ITGBL1: variants seen among roughly 807,000 people sequenced by gnomAD.
ITGBL1 encodes integrin subunit beta like 1.
Under a neutral mutation model 68.5 loss-of-function variants are expected in ITGBL1, and 51 were observed. That is an observed-to-expected ratio of 0.74 (90% CI 0.59 to 0.94). ITGBL1 has a LOEUF of 0.94. Ranked by LOEUF, ITGBL1 falls within the 40% of genes least tolerant of loss-of-function variation. The pLI, the probability that ITGBL1 is intolerant of heterozygous loss-of-function variation, is 0.00. For missense variants in ITGBL1, 649 were observed against 647.4 expected, an observed-to-expected ratio of 1.00 and a Z score of -0.03; for synonymous variants, 209 against 227.3, an observed-to-expected ratio of 0.92 and a Z score of 0.72.
chr13:101,647,732 G>C (rs1015511009), intron 7 of ITGBL1, among the ~76,000 whole-genome samples: 16 of 152,278 alleles, frequency 1.1e-4, no homozygotes, highest in African/African-American at 3.4e-4. Flanking sequence ...AGAAGGTTGA[G>C]ACTTTTAAAG....
At chr13:101,604,887 T>TACATACAC (rs1555361672) in intron 7 of ITGBL1, among the ~76,000 whole-genome samples, 25 of 22,162 alleles carry the variant, frequency 1.1e-3, no homozygotes, top group African/African-American at 3.8e-3. Context: ...TATATATATA[T>TACATACAC]ACACACACAC....
intron 3 of ITGBL1, among the ~76,000 whole-genome samples, chr13:101,573,927 A>C (rs114401748): frequency 1.0e-3 from 153 of 152,180 alleles, no homozygotes; most frequent in African/African-American, 3.5e-3. Context: ...CCCCAGATGT[A>C]TTTGTTCCAT....
intron 2 of ITGBL1, among the ~76,000 whole-genome samples, chr13:101,550,989 A>G (rs1460671648): frequency 2.0e-5 from 3 of 152,214 alleles, no homozygotes; most frequent in African/African-American, 7.2e-5. Context: ...TTCAGAATAC[A>G]TGTTCCAGTC....
intron 7 of ITGBL1, among the ~76,000 whole-genome samples, chr13:101,606,955 T>G (rs2030895944): frequency 6.6e-6 from 1 of 152,046 alleles, no homozygotes; most frequent in Admixed American, 6.6e-5. Flanking sequence ...TTACATAATT[T>G]ATATTTTGTA....
At chr13:101,628,147 C>T (rs1164482553) in intron 7 of ITGBL1, among the ~76,000 whole-genome samples, 2 of 152,124 alleles carry the variant, frequency 1.3e-5, no homozygotes, top group Admixed American at 1.3e-4. Context: ...TTCTAACAAG[C>T]GTATAGTGGT....
downstream of ITGBL1, chr13:101,720,066 A>T (rs922808209): frequency 2.0e-5 from 3 of 152,154 alleles, no homozygotes; most frequent in African/African-American, 7.2e-5. Context: ...CCTTCATATA[A>T]ATATTTTATT....
At chr13:101,605,301 T>TAGAC (rs1425537389) in intron 7 of ITGBL1, among the ~76,000 whole-genome samples, 28 of 127,030 alleles carry the variant, frequency 2.2e-4, no homozygotes, top group Middle Eastern at 4.3e-3. Context: ...TATACACATA[T>TAGAC]ATAGGCATGT....
chr13:101,491,391 C>A (rs577413278), intron 2 of ITGBL1, among the ~76,000 whole-genome samples: 43 of 152,294 alleles, frequency 2.8e-4, no homozygotes, highest in African/African-American at 1.0e-3. Context: ...TCATTATGAG[C>A]AACTTCATCT....
chr13:101,487,824 G>T (rs1358387214), intron 2 of ITGBL1, among the ~76,000 whole-genome samples: 1 of 152,168 alleles, frequency 6.6e-6, no homozygotes, highest in Non-Finnish European at 1.5e-5. Flanking sequence ...TTAGCTTGTA[G>T]GTTTTATTTC....
intron 9 of ITGBL1, among the ~76,000 whole-genome samples, chr13:101,709,387 A>G (rs2034353617): frequency 6.7e-6 from 1 of 149,342 alleles, no homozygotes; most frequent in African/African-American, 2.5e-5. Context: ...AAAAAAAAAA[A>G]AAAAAAAAAA....
At chr13:101,513,503 T>C (rs1020097222) in intron 2 of ITGBL1, among the ~76,000 whole-genome samples, 6 of 152,164 alleles carry the variant, frequency 3.9e-5, no homozygotes, top group African/African-American at 1.4e-4. Flanking sequence ...TTGATCATGA[T>C]GATCATTGGA....
intron 7 of ITGBL1, among the ~76,000 whole-genome samples, chr13:101,647,503 T>A (rs546153712): frequency 6.6e-6 from 1 of 152,092 alleles, no homozygotes; most frequent in Non-Finnish European, 1.5e-5. Context: ...AAAAATATAT[T>A]TGAAGGAATG....
intron 7 of ITGBL1, among the ~76,000 whole-genome samples, chr13:101,636,164 T>C (rs953028942): frequency 2.0e-5 from 3 of 152,110 alleles, no homozygotes; most frequent in Non-Finnish European, 4.4e-5. Context: ...TCCCTATATG[T>C]TGGTCAACAG....
chr13:101,520,971 G>A (rs1039845347), intron 2 of ITGBL1, among the ~76,000 whole-genome samples: 2 of 152,188 alleles, frequency 1.3e-5, no homozygotes, highest in African/African-American at 4.8e-5. Context: ...TCGTCCTTTT[G>A]TAGCTGATTC....
chr13:101,571,550 C>T (rs1280110325), intron 3 of ITGBL1, among the ~76,000 whole-genome samples: 1 of 152,050 alleles, frequency 6.6e-6, no homozygotes, highest in African/African-American at 2.4e-5. Context: ...TTCTAAAAGT[C>T]ATAACTATGC....
chr13:101,654,445 G>A (rs534735725), intron 7 of ITGBL1, among the ~76,000 whole-genome samples: 4 of 152,198 alleles, frequency 2.6e-5, no homozygotes, highest in East Asian at 1.9e-4. Context: ...GACTGGGAGC[G>A]GTGGAAATGG....
In ITGBL1 at chr13:101,579,298, T is replaced by C; in HGVS notation, c.598T>C (p.Cys200Arg). The C allele has an allele frequency of 6.2e-7, 1 of 1,613,784 alleles. No homozygotes were observed. Among genetic ancestry groups the C allele is most frequent in the Non-Finnish European group, 8.5e-7 (1 of 1,179,762 alleles). Residue 200 changes from cysteine (C) to arginine (R), a missense_variant, in exon 5 of 11, where the codon TGT (cysteine) becomes CGT (arginine). Physicochemically the swap from Cys to Arg is radical, Grantham distance 180 (BLOSUM62 -3). Transcript: ENST00000376180. ...CATTTTGGGTAAAGGCCATGGGAAG[T>C]GTTACTGTGGAAACTGCTACTGCAA... Reference protein sequence around the residue: ...TEEICGGHGKCYCGNCYCKAG... With the variant: ...TEEICGGHGKRYCGNCYCKAG...
At chr13:101,654,893 G>C (rs17624462) in intron 7 of ITGBL1, among the ~76,000 whole-genome samples, 16,994 of 152,082 alleles carry the variant, frequency 0.11, 993 homozygotes, top group Admixed American at 0.17. Context: ...AAGCAGTGCT[G>C]AGGAACAGGC....
chr13:101,598,346 CA>C (rs761638979), intron 7 of ITGBL1, 47 bp downstream of exon 7: 1 of 1,391,896 alleles, frequency 7.2e-7, no homozygotes, highest in Non-Finnish European at 9.5e-7. Flanking sequence ...CATCACAATT[CA>C]AATGAATTCA....
Sources: gnomAD v4.1 joint callset for allele counts (sites outside exome capture counted in the v4.1 genomes callset) on GRCh38, gnomAD v4.1.1 for gene constraint, MANE v1.5 for transcripts, NCBI Gene and HGNC (gene_info 2026-07-23, HGNC 2026-07-21) for gene names.